The following ITSN1 variants were observed in gnomAD, a reference collection of about 807,000 sequenced individuals.
ITSN1 encodes the protein intersectin 1, also known as intersectin-1.
ITSN1 carries 58 observed loss-of-function variants against 239.8 expected under a neutral mutation model. That is an observed-to-expected ratio of 0.24 (90% confidence interval 0.20 to 0.30). The LOEUF (loss-of-function observed/expected upper bound fraction) is 0.30, where lower values mean the gene tolerates loss of function less well. Among genes scored for constraint, ITSN1 ranks in the 10% least tolerant of loss-of-function variants. The probability of loss-of-function intolerance (pLI) is 1.00; values close to 1 mark genes in which losing one functional copy is unlikely to be tolerated. For synonymous variants in ITSN1, 780 were observed against 770.8 expected (o/e 1.01, Z -0.20); for missense variants, 1,558 against 2,103.3 (o/e 0.74, Z 5.07).
intron 26 of ITSN1, among the ~76,000 whole-genome samples, chr21:33,828,498 A>G (rs1194130101): frequency 6.6e-6 from 1 of 152,244 alleles, no homozygotes; most frequent in African/African-American, 2.4e-5. Context: ...GCAGAACAGA[A>G]TGAGAGCGGC....
At chr21:33,704,514 A>G (rs967742176) in intron 1 of ITSN1, among the ~76,000 whole-genome samples, 2 of 152,186 alleles carry the variant, frequency 1.3e-5, no homozygotes, top group African/African-American at 4.8e-5. Flanking sequence ...TAATAACTGT[A>G]TAAACTGTGT....
chr21:33,814,761 G>A (rs1360299809), intron 22 of ITSN1, among the ~76,000 whole-genome samples: 1 of 152,198 alleles, frequency 6.6e-6, no homozygotes, highest in East Asian at 1.9e-4. Flanking sequence ...GAAGATTAGA[G>A]TGGAGGGCCG....
In ITSN1 at chr21:33,750,304, C is replaced by T; in HGVS notation, c.508C>T (p.Pro170Ser). 6.2e-7 allele frequency: 1 copy of T among 1,613,238 alleles called. No individual in the cohort carries two copies. The highest frequency in any genetic ancestry group is 1.9e-4 in the Middle Eastern group (1 of 5,266). Reference protein sequence around the residue: ...NGAPPVIQPLPAFAHPAATLP... With the variant: ...NGAPPVIQPLSAFAHPAATLP... Reference sequence around the variant, plus strand: ...GGCTCCCCCTGTTATACAACCTCTGCCTGCATTTGCTCATCCTGGTATGTG... The same window carrying T: ...GGCTCCCCCTGTTATACAACCTCTGTCTGCATTTGCTCATCCTGGTATGTG... The change falls in exon 6 of 40, where the codon CCT becomes TCT. Residue 170 changes from proline (P) to serine (S), a missense_variant. Around this residue, in one of 2 missense-constraint regions of ITSN1, gnomAD observed 982 missense variants for 1,209.9 expected, o/e 0.81. Coordinates refer to ENST00000381318, the MANE Select transcript of ITSN1 (RefSeq NM_003024.3).
intron 21 of ITSN1, 23 bp from the exon 22 acceptor site, chr21:33,813,890 T>C (rs758840587): frequency 3.1e-6 from 5 of 1,609,904 alleles, no homozygotes; most frequent in African/African-American, 2.7e-5. Flanking sequence ...TTGTTATTCA[T>C]GGTGTTGTGC....
chr21:33,806,047 CA>C (rs762086740), intron 20 of ITSN1, among the ~76,000 whole-genome samples: 192 of 112,940 alleles, frequency 1.7e-3, no homozygotes, highest in Non-Finnish European at 1.7e-3. Context: ...ACTAAAAATA[CA>C]AAAAAAAAAA....
At chr21:33,814,214 A>G in intron 22 of ITSN1, 142 bp downstream of exon 22, 1 of 495,058 alleles carries the variant, frequency 2.0e-6, no homozygotes, top group Middle Eastern at 7.5e-4. Flanking sequence ...AATCCAGTGC[A>G]GGAGCCAGAA....
chr21:33,681,982 A>G (rs2090989125), intron 1 of ITSN1, among the ~76,000 whole-genome samples: 2 of 151,106 alleles, frequency 1.3e-5, no homozygotes, highest in Admixed American at 6.6e-5. Flanking sequence ...AACCAGTTTT[A>G]TAGAGCAGTT....
chr21:33,769,204 C>T (rs977886582), intron 11 of ITSN1, among the ~76,000 whole-genome samples: 4 of 152,174 alleles, frequency 2.6e-5, no homozygotes, highest in African/African-American at 9.7e-5. Flanking sequence ...GACAGGAATG[C>T]TTGGAATGCA....
chr21:33,749,646 AAAAAAAGAAAAG>A (rs1185160504), intron 5 of ITSN1, among the ~76,000 whole-genome samples: 17 of 152,064 alleles, frequency 1.1e-4, no homozygotes, highest in Non-Finnish European at 2.1e-4. Flanking sequence ...CATCTCAAAA[AAAAAAAGAAAAG>A]AAAAAAGAAA....
chr21:33,884,439 T>A (rs1405786096), intron 36 of ITSN1, among the ~76,000 whole-genome samples: 1 of 152,172 alleles, frequency 6.6e-6, no homozygotes, highest in Non-Finnish European at 1.5e-5. Flanking sequence ...TTCAAGACAC[T>A]GCCCTGGAGC....
At position 33,751,901 on chromosome 21, in the gene ITSN1, G is replaced by T; in HGVS notation, c.618G>T (p.Val206=). The T allele has an allele frequency of 2.5e-6, 4 of 1,609,700 alleles. No individual in the cohort carries two copies. Among genetic ancestry groups the T allele is most frequent in the Non-Finnish European group, 3.4e-6 (4 of 1,176,282 alleles). The change falls in exon 7 of 40, where the codon GTG becomes GTT. Residue 206 remains valine (V), a synonymous_variant. Transcript: ENST00000381318. The part of the protein sequence containing the change: ...TKLQKAQSFD[V]ASVPPVAEWA... ...TACAAAAGGCACAGTCATTTGATGT[G>T]GCCAGGTAAGTTTGCTTGTTTTTAA...
intron 1 of ITSN1, among the ~76,000 whole-genome samples, chr21:33,687,257 G>A (rs1269360346): frequency 1.3e-5 from 2 of 151,624 alleles, no homozygotes; most frequent in Non-Finnish European, 2.9e-5. Context: ...AATTATTTGG[G>A]CTTGGTGACG....
chr21:33,767,801 C>A lies in ITSN1; in HGVS notation c.1015C>A (p.Gln339Lys). The change falls in exon 11 of 40, where the codon CAA becomes AAA. Residue 339 changes from glutamine (Q) to lysine (K), a missense_variant. Coordinates refer to ENST00000381318, the MANE Select transcript of ITSN1 (RefSeq NM_003024.3). ...LPEEPVLEDE[Q>K]QQLEKKLPVT... Reference sequence around the variant, plus strand: ...AGAGGAACCAGTTTTAGAAGATGAACAACAACAATTAGAAAAGAAATTACC... The same window carrying A: ...AGAGGAACCAGTTTTAGAAGATGAAAAACAACAATTAGAAAAGAAATTACC... 1 of 1,607,294 alleles carries A rather than the reference C, an allele frequency of 6.2e-7. No individual in the cohort carries two copies. The highest frequency in any genetic ancestry group is 8.5e-7 in the Non-Finnish European group (1 of 1,174,164).
intron 34 of ITSN1, among the ~76,000 whole-genome samples, chr21:33,875,827 C>T (rs1040434103): frequency 1.3e-5 from 2 of 152,166 alleles, no homozygotes; most frequent in Non-Finnish European, 2.9e-5. Context: ...ACTACAGGCA[C>T]ACGCCACTAC....
At chr21:33,666,219 C>T (rs1351318501) in intron 1 of ITSN1, among the ~76,000 whole-genome samples, 1 of 152,212 alleles carries the variant, frequency 6.6e-6, no homozygotes, top group Non-Finnish European at 1.5e-5. Context: ...GTTTGAGCCA[C>T]TGCACCTGGC....
intron 1 of ITSN1, among the ~76,000 whole-genome samples, chr21:33,682,861 C>G (rs894322204): frequency 4.6e-5 from 7 of 151,908 alleles, no homozygotes; most frequent in Non-Finnish European, 8.8e-5. Flanking sequence ...TATTGTCACA[C>G]TAGGATCACT....
In ITSN1 at chr21:33,886,276, G is replaced by A; in HGVS notation, c.4844-11G>A. The A allele has an allele frequency of 6.3e-7, 1 of 1,598,494 alleles. No homozygotes were observed. Among genetic ancestry groups the A allele is most frequent in the Non-Finnish European group, 8.6e-7 (1 of 1,168,884 alleles). ...TGAGTTCCACCTGGCGAAGGCTTTT[G>A]TTCCCTCCAGGAAAGAGCAACCCGT... is the stretch of plus-strand genomic sequence containing the variant. On this transcript the variant is annotated splice_polypyrimidine_tract_variant and intron_variant, in intron 38 of 39. Transcript: ENST00000381318.
chr21:33,810,795 A>ATT (rs367739805), intron 20 of ITSN1, 180 bp from the exon 21 acceptor site: 7 of 708,772 alleles, frequency 9.9e-6, no homozygotes, highest in African/African-American at 3.6e-5. Context: ...ATTATAGTGC[A>ATT]TTTTTTTTTT....
intron 1 of ITSN1, among the ~76,000 whole-genome samples, chr21:33,718,572 A>AT (rs1187156821): frequency 1.3e-5 from 2 of 151,676 alleles, no homozygotes; most frequent in East Asian, 1.9e-4. Flanking sequence ...GGATCCACGG[A>AT]TTTTTTTTTA....
Sources: allele counts gnomAD v4.1 joint callset (sites outside exome capture counted in the v4.1 genomes callset), GRCh38; gene constraint gnomAD v4.1.1; regional missense constraint gnomAD v4.1.1; transcripts MANE v1.5; gene names NCBI Gene and HGNC (gene_info 2026-07-23, HGNC 2026-07-21).